PREX1: variants seen among roughly 807,000 people sequenced by gnomAD.
PREX1 encodes phosphatidylinositol 3,4,5-trisphosphate-dependent Rac exchanger 1 protein.
PREX1 carries 41 observed loss-of-function variants against 198.3 expected under a neutral mutation model. The observed-to-expected ratio is 0.21, with a 90% CI of 0.16 to 0.27. PREX1 has a LOEUF of 0.27. PREX1 is among the 10% of genes least tolerant of loss of function. The pLI is 1.00. For missense variants in PREX1, 1,620 were observed against 2,200.7 expected (o/e 0.74, Z 5.28); for synonymous variants, 843 against 887.2 (o/e 0.95, Z 0.89).
rs145405616 is a variant in PREX1 at position 48,644,437 on chromosome 20, G to A, written c.3573C>T (p.Ser1191=). ...LSYTSVRSNS[S]YLGSDEMGSG... ...ACCCCATCTCGTCGCTGCCCAAGTAGGAGCTGTTACTTCTCACGCTGGTGT... is the reference window on the plus strand; with the variant it reads ...ACCCCATCTCGTCGCTGCCCAAGTAAGAGCTGTTACTTCTCACGCTGGTGT... Residue 1191 remains serine, a synonymous_variant, in exon 27 of 40, where the codon TCC becomes TCT. Transcript: ENST00000371941. The A allele has an allele frequency of 2.0e-4, 324 of 1,613,962 alleles. 1 individual carries two copies. In the African/African-American group the frequency reaches 3.8e-3, roughly 19 times the overall value.
chr20:48,719,308 C>T (rs1019262315), intron 5 of PREX1, among the ~76,000 whole-genome samples: 3 of 152,168 alleles, frequency 2.0e-5, no homozygotes, highest in African/African-American at 4.8e-5. Context: ...GCAGGACCCC[C>T]CCCCCAACTC....
At chr20:48,831,162 C>T (rs2090536380), upstream of PREX1, among the ~76,000 whole-genome samples, 1 of 152,144 alleles carries the variant, frequency 6.6e-6, no homozygotes, top group Non-Finnish European at 1.5e-5. Context: ...CCTCACACAC[C>T]TCCAATGAAG....
intron 15 of PREX1, among the ~76,000 whole-genome samples, chr20:48,661,166 C>T (rs998695371): frequency 6.6e-6 from 1 of 151,888 alleles, no homozygotes; most frequent in African/African-American, 2.4e-5. Context: ...CGCCTGTAAT[C>T]CCAGCACTTT....
At chr20:48,877,567 T>G in the PREX1 span, among the ~76,000 whole-genome samples, 1 of 152,254 alleles carries the variant, frequency 6.6e-6, no homozygotes, top group Non-Finnish European at 1.5e-5. Flanking sequence ...GTGGGTCACA[T>G]GCTGATCTCT....
chr20:48,838,803 G>A, the PREX1 span, among the ~76,000 whole-genome samples: 6 of 151,894 alleles, frequency 4.0e-5, no homozygotes, highest in Admixed American at 3.3e-4. Context: ...GGAGGCTGCT[G>A]GATCACTTGA....
chr20:48,678,198 CA>C (rs1357502628), intron 13 of PREX1, among the ~76,000 whole-genome samples: 1 of 152,004 alleles, frequency 6.6e-6, no homozygotes, highest in Non-Finnish European at 1.5e-5. Context: ...CCTGTAATGC[CA>C]GCCACTCAGG....
At chr20:48,854,321 C>T in the PREX1 span, among the ~76,000 whole-genome samples, 1 of 152,170 alleles carries the variant, frequency 6.6e-6, no homozygotes, top group African/African-American at 2.4e-5. Context: ...AGAATTCTTC[C>T]TCCGGGAAGC....
rs1407935762 is a variant in PREX1 at position 48,684,956 on chromosome 20, G to A, written c.1335-3621C>T. Reference sequence around the variant, plus strand: ...CTGGCTCTTGCTTGTCTTTCAGATCGTGGTTAAATGTCACTTCCCCTGAGA... The same window carrying A: ...CTGGCTCTTGCTTGTCTTTCAGATCATGGTTAAATGTCACTTCCCCTGAGA... On this transcript the variant is annotated intron_variant, in intron 10 of 39. Transcript: ENST00000371941. This position sits in a 1 kb window ranked among gnomAD's most constrained non-coding sequence, Gnocchi z 4.2. Among the ~76,000 whole-genome samples, 2 of 152,210 alleles carry A rather than the reference G, an allele frequency of 1.3e-5. No homozygotes were observed. The highest frequency in any genetic ancestry group is 1.9e-4 in the East Asian group (1 of 5,198).
chr20:48,700,911 G>A, intron 6 of PREX1, 25 bp from the exon 7 acceptor site: 3 of 1,613,654 alleles, frequency 1.9e-6, no homozygotes, highest in South Asian at 2.2e-5. Context: ...AGGACACAGT[G>A]AATGAGCCAA....
chr20:48,776,067 CACCAATGG>C (rs1329561131), intron 1 of PREX1, among the ~76,000 whole-genome samples: 32 of 152,254 alleles, frequency 2.1e-4, no homozygotes, highest in African/African-American at 7.7e-4. Context: ...ATCACATCCT[CACCAATGG>C]AGGTGAGCAC....
chr20:48,816,968 C>T (rs1365179065), intron 1 of PREX1, among the ~76,000 whole-genome samples: 1 of 152,178 alleles, frequency 6.6e-6, no homozygotes, highest in East Asian at 1.9e-4. Context: ...AACTAATACG[C>T]CATCTCTGTG....
rs781286501 is a variant in PREX1 at position 48,651,074 on chromosome 20, C to A, written c.2656-19G>T. 26 of 1,612,618 alleles carry A rather than the reference C, an allele frequency of 1.6e-5. No homozygotes were observed. The highest frequency in any genetic ancestry group is 1.6e-4 in the Middle Eastern group (1 of 6,082). On this transcript the variant is annotated intron_variant, in intron 22 of 39. Transcript: ENST00000371941. ...CGAGGATCTGCAGAAATGTCAACAG[C>A]TACTGAGCATTCCCTGTGTGCCGGG...
chr20:48,723,002 CT>C (rs2089992853), intron 5 of PREX1, among the ~76,000 whole-genome samples: 1 of 152,276 alleles, frequency 6.6e-6, no homozygotes, highest in East Asian at 1.9e-4. Context: ...AATCATTCCC[CT>C]GGCAACGTGA....
At chr20:48,626,021 C>T (rs1313291428) in intron 39 of PREX1, 94 bp from the exon 40 acceptor site, 1 of 1,306,404 alleles carries the variant, frequency 7.7e-7, no homozygotes, top group East Asian at 3.0e-5. Context: ...TAATTCATGC[C>T]CAGAAACCCA....
chr20:48,634,619 G>GT, intron 33 of PREX1, 57 bp downstream of exon 33: 2 of 1,562,826 alleles, frequency 1.3e-6, no homozygotes, highest in Non-Finnish European at 1.8e-6. Flanking sequence ...CCAGAGAGCT[G>GT]TCCCTTCCAC....
the PREX1 span, among the ~76,000 whole-genome samples, chr20:48,862,725 G>C: frequency 4.1e-5 from 6 of 147,002 alleles, no homozygotes; most frequent in African/African-American, 1.5e-4. Flanking sequence ...TGTATAGGGG[G>C]TATATGTGTG....
intron 1 of PREX1, among the ~76,000 whole-genome samples, chr20:48,785,401 C>T (rs931318029): frequency 1.7e-4 from 26 of 152,206 alleles, no homozygotes; most frequent in African/African-American, 5.8e-4. Flanking sequence ...GCCCACTCAT[C>T]GAAGCTGCAA....
At chr20:48,824,133 T>G (rs2090499194) in intron 1 of PREX1, among the ~76,000 whole-genome samples, 1 of 151,910 alleles carries the variant, frequency 6.6e-6, no homozygotes, top group Non-Finnish European at 1.5e-5. Flanking sequence ...AGGTTCTGAG[T>G]CAAAACCCCA....
At chr20:48,731,708 CCAAA>C (rs1303174769) in intron 4 of PREX1, among the ~76,000 whole-genome samples, 3 of 152,230 alleles carry the variant, frequency 2.0e-5, no homozygotes, top group African/African-American at 7.2e-5. Context: ...CTGCACGTGG[CCAAA>C]AGCTGGGAGA....
Sources: allele counts gnomAD v4.1 joint callset (sites outside exome capture counted in the v4.1 genomes callset), GRCh38; gene constraint gnomAD v4.1.1; non-coding constraint Gnocchi (gnomAD v3.1); transcripts MANE v1.5; gene names NCBI Gene and HGNC (gene_info 2026-07-23, HGNC 2026-07-21).